SLC39A11: variants seen among roughly 807,000 people sequenced by gnomAD.
SLC39A11 encodes the protein solute carrier family 39 member 11.
In SLC39A11, 33 loss-of-function variants were observed where a neutral mutation model predicts 36.1. The ratio of observed to expected loss-of-function variants is 0.91; its 90% CI spans 0.69 to 1.22. SLC39A11 has a LOEUF of 1.22. Among genes scored for constraint, SLC39A11 ranks in the 50% most tolerant of loss-of-function variants. The pLI is 0.00. For synonymous variants in SLC39A11, 166 were observed against 170.3 expected, an observed-to-expected ratio of 0.97 and a Z score of 0.20; for missense variants, 432 against 430.3, an observed-to-expected ratio of 1.00 and a Z score of -0.03.
chr17:72,701,013 C>T (rs77131771), intron 7 of SLC39A11, among the ~76,000 whole-genome samples: 2,187 of 152,324 alleles, frequency 0.014, 54 homozygotes, highest in African/African-American at 0.045. Context: ...ACGTGGTACA[C>T]GTGGGCCCTG....
At chr17:72,910,160 C>A (rs547435365) in intron 5 of SLC39A11, among the ~76,000 whole-genome samples, 2 of 152,108 alleles carry the variant, frequency 1.3e-5, no homozygotes, top group Non-Finnish European at 2.9e-5. Context: ...GCTGATATTA[C>A]GAAGAGGGGA....
intron 5 of SLC39A11, among the ~76,000 whole-genome samples, chr17:72,944,715 T>C (rs1049318995): frequency 6.6e-6 from 1 of 152,200 alleles, no homozygotes; most frequent in African/African-American, 2.4e-5. Context: ...CCACATTCTT[T>C]GCAATAGCAA....
intron 3 of SLC39A11, among the ~76,000 whole-genome samples, chr17:73,071,441 G>C (rs534695266): frequency 6.6e-6 from 1 of 152,202 alleles, no homozygotes; most frequent in Non-Finnish European, 1.5e-5. Context: ...CTGCAGCACA[G>C]AGCTCCTAAA....
chr17:72,882,793 G>GTTT (rs2081258262), intron 5 of SLC39A11, among the ~76,000 whole-genome samples: 19 of 67,858 alleles, frequency 2.8e-4, no homozygotes, highest in Non-Finnish European at 2.1e-4. Flanking sequence ...GAGAGAGAAT[G>GTTT]CTTCTTTTTT....
chr17:73,078,014 G>A (rs2060380820), intron 3 of SLC39A11, among the ~76,000 whole-genome samples: 3 of 152,074 alleles, frequency 2.0e-5, no homozygotes, highest in Admixed American at 2.0e-4. Flanking sequence ...TGAGGTGGGT[G>A]GATCACAAGG....
At chr17:72,743,465 T>C (rs1314706233) in intron 6 of SLC39A11, among the ~76,000 whole-genome samples, 1 of 152,042 alleles carries the variant, frequency 6.6e-6, no homozygotes, top group Non-Finnish European at 1.5e-5. Flanking sequence ...AAGGAGCAGG[T>C]CCTTCCTCTC....
At chr17:72,665,398 T>TTTTTTTTTTTG (rs2070700978) in intron 7 of SLC39A11, among the ~76,000 whole-genome samples, 1 of 130,174 alleles carries the variant, frequency 7.7e-6, no homozygotes, top group African/African-American at 2.8e-5. Flanking sequence ...TGTTTTTTTT[T>TTTTTTTTTTTG]TTTTTTTTTT....
chr17:73,009,611 G>A (rs752363859), intron 4 of SLC39A11, among the ~76,000 whole-genome samples: 20 of 151,928 alleles, frequency 1.3e-4, no homozygotes, highest in Non-Finnish European at 2.2e-4. Context: ...TCCTTGGGGG[G>A]GTGATGAAAA....
At chr17:72,860,011 AGAGGGGAGGGGAGGG>A (rs79153544) in intron 5 of SLC39A11, among the ~76,000 whole-genome samples, 10,357 of 85,322 alleles carry the variant, frequency 0.12, 868 homozygotes, top group African/African-American at 0.27. Flanking sequence ...CTAGACGAGG[AGAGGGGAGGGGAGGG>A]GAGGGGAGGG....
intron 6 of SLC39A11, among the ~76,000 whole-genome samples, chr17:72,776,620 A>C (rs889617065): frequency 1.3e-5 from 2 of 150,598 alleles, no homozygotes; most frequent in African/African-American, 4.9e-5. Flanking sequence ...GAAAAAAAAA[A>C]AAAAAAAAAC....
intron 4 of SLC39A11, among the ~76,000 whole-genome samples, chr17:73,022,977 C>G (rs945248616): frequency 1.2e-4 from 18 of 152,162 alleles, no homozygotes; most frequent in Non-Finnish European, 2.5e-4. Flanking sequence ...AATAAGCTTT[C>G]TCAACCCTCC....
intron 5 of SLC39A11, among the ~76,000 whole-genome samples, chr17:72,899,897 G>A (rs527600656): frequency 1.3e-5 from 2 of 149,080 alleles, no homozygotes; most frequent in Non-Finnish European, 3.0e-5. Flanking sequence ...GGGAGGTGGA[G>A]GTTGCAGTGA....
intron 3 of SLC39A11, among the ~76,000 whole-genome samples, chr17:73,046,457 G>A (rs1367591834): frequency 6.6e-6 from 1 of 152,024 alleles, no homozygotes; most frequent in African/African-American, 2.4e-5. Context: ...CTACGAAAAA[G>A]CCCCCTCCTA....
chr17:72,712,675 C>T (rs200646938), intron 7 of SLC39A11: 1 of 99,322 alleles, frequency 1.0e-5, no homozygotes, highest in Non-Finnish European at 2.0e-5. Context: ...TTGAAGGTAA[C>T]CCTCCCCTAG....
chr17:72,810,170 A>G (rs182621738), intron 6 of SLC39A11, among the ~76,000 whole-genome samples: 9 of 152,242 alleles, frequency 5.9e-5, no homozygotes, highest in Non-Finnish European at 1.2e-4. Context: ...TCTTTCCCCA[A>G]TTCTCAAATA....
chr17:72,772,324 G>A (rs1170940442), intron 6 of SLC39A11, among the ~76,000 whole-genome samples: 1 of 152,190 alleles, frequency 6.6e-6, no homozygotes, highest in African/African-American at 2.4e-5. Context: ...CAGCCCACCA[G>A]TGACTCCAAG....
chr17:72,944,820 G>GA (rs1294237781), intron 5 of SLC39A11, among the ~76,000 whole-genome samples: 3 of 151,850 alleles, frequency 2.0e-5, no homozygotes, highest in African/African-American at 7.3e-5. Flanking sequence ...AGCACCTCAG[G>GA]AAAAAAACAC....
intron 6 of SLC39A11, among the ~76,000 whole-genome samples, chr17:72,842,915 A>G (rs963218951): frequency 2.0e-5 from 3 of 152,072 alleles, no homozygotes; most frequent in Non-Finnish European, 4.4e-5. Context: ...TTGCACAACT[A>G]TACTTTTCTT....
rs760653145 is a variant in SLC39A11 at position 73,084,833 on chromosome 17, T to C, written c.122A>G (p.Asp41Gly). 1.2e-6 allele frequency: 2 copies of C among 1,614,080 alleles called. No homozygotes were observed. The highest frequency in any genetic ancestry group is 2.2e-5 in the South Asian group (2 of 91,082). The change falls in exon 3 of 10, where the codon GAT becomes GGT. Residue 41 changes from aspartate (D) to glycine (G), a missense_variant. Transcript: ENST00000255559. ...CCCTGCAGCAAAGCCAAGACTTCCA[T>C]CTAAGATCCGCCTCTGAAAATCAAA... is the stretch of plus-strand genomic sequence containing the variant. ...VFSSGQRRIL[D>G]GSLGFAAGVM...
Sources: allele counts gnomAD v4.1 joint callset (sites outside exome capture counted in the v4.1 genomes callset), GRCh38; gene constraint gnomAD v4.1.1; transcripts MANE v1.5; gene names NCBI Gene and HGNC (gene_info 2026-07-23, HGNC 2026-07-21).